Variants in IQCM observed in about 807,000 individuals in gnomAD.
IQCM encodes IQ motif containing M.
Under a neutral mutation model 57.6 loss-of-function variants are expected in IQCM, and 45 were observed. The ratio of observed to expected loss-of-function variants is 0.78; its 90% confidence interval spans 0.62 to 1.00. The LOEUF is 1.00. Among genes scored for constraint, IQCM ranks in the 50% least tolerant of loss-of-function variants. The pLI, the probability that IQCM is intolerant of heterozygous loss-of-function variation, is 0.00. For synonymous variants in IQCM, 148 were observed against 158.9 expected (o/e 0.93, Z 0.51); for missense variants, 468 against 511.6 (o/e 0.91, Z 0.82).
chr4:149,470,539 C>G (rs1309351703), intron 12 of IQCM, among the ~76,000 whole-genome samples: 3 of 152,090 alleles, frequency 2.0e-5, no homozygotes, highest in Non-Finnish European at 4.4e-5. Context: ...CTTTGACACC[C>G]CACTGTCGAC....
chr4:149,551,636 CTG>C (rs1749036660), intron 11 of IQCM, among the ~76,000 whole-genome samples: 1 of 152,056 alleles, frequency 6.6e-6, no homozygotes, highest in South Asian at 2.1e-4. Flanking sequence ...AGTGTAATAA[CTG>C]TAAGGTTTTA....
chr4:149,497,566 C>T (rs1742792016), intron 12 of IQCM, among the ~76,000 whole-genome samples: 1 of 151,942 alleles, frequency 6.6e-6, no homozygotes, highest in Non-Finnish European at 1.5e-5. Context: ...AATTTATTCC[C>T]TATTATGAGA....
chr4:149,585,448 C>T (rs1309673365), intron 9 of IQCM, among the ~76,000 whole-genome samples: 1 of 151,572 alleles, frequency 6.6e-6, no homozygotes, highest in Non-Finnish European at 1.5e-5. Context: ...TATTGATTTA[C>T]TTAAATATTT....
At chr4:149,439,055 A>C (rs1198925854) in intron 12 of IQCM, among the ~76,000 whole-genome samples, 13 of 152,078 alleles carry the variant, frequency 8.5e-5, no homozygotes, top group Admixed American at 8.5e-4. Flanking sequence ...AGGTCATGAA[A>C]ACAGGCACAT....
chr4:149,451,230 T>C (rs1410970827), intron 12 of IQCM, among the ~76,000 whole-genome samples: 1 of 151,604 alleles, frequency 6.6e-6, no homozygotes, highest in South Asian at 2.1e-4. Context: ...GATTAATGGG[T>C]ACAAAAAAAT....
At chr4:149,542,189 T>G (rs1217261382) in intron 12 of IQCM, among the ~76,000 whole-genome samples, 1 of 152,046 alleles carries the variant, frequency 6.6e-6, no homozygotes, top group Non-Finnish European at 1.5e-5. Context: ...TACATTGGAG[T>G]GGCCCCTTTC....
intron 5 of IQCM, among the ~76,000 whole-genome samples, chr4:149,693,430 C>T (rs1214054765): frequency 6.6e-6 from 1 of 152,130 alleles, no homozygotes; most frequent in Non-Finnish European, 1.5e-5. Flanking sequence ...CACTACTGTC[C>T]ATCCATAAGC....
At chr4:149,747,862 G>C (rs1290872644) in intron 2 of IQCM, among the ~76,000 whole-genome samples, 1 of 152,070 alleles carries the variant, frequency 6.6e-6, no homozygotes, top group Non-Finnish European at 1.5e-5. Flanking sequence ...CCAGGAAGTG[G>C]GAAGGAAATA....
At chr4:149,692,445 A>G (rs17625243) in intron 5 of IQCM, among the ~76,000 whole-genome samples, 31,656 of 152,078 alleles carry the variant, frequency 0.21, 4,108 homozygotes, top group Non-Finnish European at 0.28. Flanking sequence ...TTAAATCTTT[A>G]TAATGAGCTT....
chr4:149,719,436 A>G (rs760647237), intron 5 of IQCM, among the ~76,000 whole-genome samples: 9 of 152,212 alleles, frequency 5.9e-5, no homozygotes, highest in Non-Finnish European at 1.0e-4. Flanking sequence ...TGAAACAAAT[A>G]TAAGAAACTA....
chr4:149,667,443 G>T (rs1201094717), intron 7 of IQCM, among the ~76,000 whole-genome samples: 3 of 152,054 alleles, frequency 2.0e-5, no homozygotes, highest in African/African-American at 7.2e-5. Flanking sequence ...ACAGCAAAGA[G>T]GAAAGGTAGA....
At chr4:149,631,384 TG>T (rs1279267297) in intron 7 of IQCM, among the ~76,000 whole-genome samples, 1 of 152,160 alleles carries the variant, frequency 6.6e-6, no homozygotes, top group African/African-American at 2.4e-5. Flanking sequence ...TCAGCAAACT[TG>T]GGGTGGTCTT....
At chr4:149,485,581 G>C (rs1237981385) in intron 12 of IQCM, among the ~76,000 whole-genome samples, 1 of 151,746 alleles carries the variant, frequency 6.6e-6, no homozygotes, top group African/African-American at 2.4e-5. Flanking sequence ...TTCAATCTCT[G>C]TTACATTTAT....
Position 149,433,522 on chromosome 4 carries a change from A to G in IQCM, c.1264T>C (p.Ser422Pro), listed in dbSNP as rs573695776. Residue 422 changes from serine (S) to proline (P), a missense_variant, in exon 13 of 14, where the codon TCC (serine) becomes CCC (proline). Physicochemically the swap from Ser to Pro is moderately conservative, Grantham distance 74. Coordinates refer to ENST00000636793, the MANE Select transcript of IQCM (RefSeq NM_001363507.2). The part of the protein sequence containing the change: ...KEKYSELIKK[S>P]KAIEMLFTLY... ...GTAAATAACATTTCAATTGCTTTGG[A>G]CTTTTTGATTAGTTCAGAATATTTT... 3.4e-6 allele frequency: 4 copies of G among 1,188,996 alleles called. No homozygotes were observed. The East Asian group carries it at 9.6e-5, about 28-fold the overall frequency. The allele number at this position is 1,188,996 out of a possible 1,614,324, so 73.7% of individuals were successfully genotyped here.
chr4:149,381,658 T>A (rs1731085179), intron 13 of IQCM, among the ~76,000 whole-genome samples: 1 of 152,130 alleles, frequency 6.6e-6, no homozygotes, highest in Admixed American at 6.6e-5. Context: ...TATCATTGCA[T>A]TTAAACTAAA....
chr4:149,632,912 A>T (rs1247578201), intron 7 of IQCM, among the ~76,000 whole-genome samples: 2 of 152,094 alleles, frequency 1.3e-5, no homozygotes, highest in Admixed American at 1.3e-4. Flanking sequence ...CTGTAATCCC[A>T]GCACTTTGGG....
intron 12 of IQCM, among the ~76,000 whole-genome samples, chr4:149,441,398 G>A (rs957927939): frequency 1.3e-5 from 2 of 152,012 alleles, no homozygotes. Flanking sequence ...TTCAAAATGA[G>A]ATAAAATAAA....
intron 12 of IQCM, among the ~76,000 whole-genome samples, chr4:149,452,927 T>C (rs1020212372): frequency 3.3e-5 from 5 of 151,286 alleles, no homozygotes; most frequent in Admixed American, 2.0e-4. Context: ...ATAGGATATA[T>C]TGCATGATGC....
At chr4:149,570,197 A>T (rs573348362) in intron 9 of IQCM, among the ~76,000 whole-genome samples, 1 of 152,252 alleles carries the variant, frequency 6.6e-6, no homozygotes, top group Admixed American at 6.5e-5. Context: ...AGTTCATTAT[A>T]GAAGTATTTA....
Sources: allele counts gnomAD v4.1 joint callset (sites outside exome capture counted in the v4.1 genomes callset), GRCh38; gene constraint gnomAD v4.1.1; transcripts MANE v1.5; gene names NCBI Gene and HGNC (gene_info 2026-07-23, HGNC 2026-07-21).